Variants in CLOCK observed in about 807,000 individuals in gnomAD.
CLOCK encodes the protein clock circadian regulator.
CLOCK carries 43 observed loss-of-function variants against 118.4 expected under a neutral mutation model. That is an observed-to-expected ratio of 0.36 (90% confidence interval 0.28 to 0.47). The LOEUF (loss-of-function observed/expected upper bound fraction) is 0.47. Ranked by LOEUF, CLOCK falls within the 20% of genes least tolerant of loss-of-function variation. CLOCK has a pLI of 1.00. For synonymous variants in CLOCK, 326 were observed against 339.2 expected (o/e 0.96, Z 0.43); for missense variants, 846 against 999.9 (o/e 0.85, Z 2.08).
At chr4:55,513,978 G>A (rs972945307) in intron 1 of CLOCK, among the ~76,000 whole-genome samples, 1 of 151,996 alleles carries the variant, frequency 6.6e-6, no homozygotes, top group African/African-American at 2.4e-5. Flanking sequence ...CTTGTATCCT[G>A]CTACCTTGTG....
intron 7 of CLOCK, among the ~76,000 whole-genome samples, chr4:55,471,567 G>C (rs967417128): frequency 2.6e-5 from 4 of 152,214 alleles, no homozygotes; most frequent in African/African-American, 9.7e-5. Flanking sequence ...AGCAAGCATT[G>C]AGAAATGTGA....
intron 8 of CLOCK, 91 bp downstream of exon 8, chr4:55,470,626 T>C (rs1009951278): frequency 2.3e-6 from 2 of 886,240 alleles, no homozygotes; most frequent in African/African-American, 1.7e-5. Context: ...ACGACTGTTG[T>C]ACACTGCTCT....
At chr4:55,520,389 C>T (rs1729783335) in intron 1 of CLOCK, among the ~76,000 whole-genome samples, 1 of 152,096 alleles carries the variant, frequency 6.6e-6, no homozygotes, top group Non-Finnish European at 1.5e-5. Context: ...TCATCAACAC[C>T]TCATTTACTA....
intron 1 of CLOCK, among the ~76,000 whole-genome samples, chr4:55,523,543 C>T (rs1729974317): frequency 6.6e-6 from 1 of 151,954 alleles, no homozygotes; most frequent in African/African-American, 2.4e-5. Context: ...ATTTTTATTC[C>T]ATTTTTTGAG....
At chr4:55,491,375 GA>G (rs56412547) in intron 2 of CLOCK, among the ~76,000 whole-genome samples, 8,393 of 141,862 alleles carry the variant, frequency 0.059, 506 homozygotes, top group African/African-American at 0.16. Flanking sequence ...CAGTGAATAG[GA>G]AAAAAAAAAA....
intron 18 of CLOCK, among the ~76,000 whole-genome samples, 161 bp downstream of exon 18, chr4:55,448,617 TG>T (rs1560421426): frequency 7.3e-6 from 1 of 136,056 alleles, no homozygotes; most frequent in African/African-American, 2.8e-5. Context: ...TGTGTGTGTG[TG>T]TGTGTGTGTG....
intron 8 of CLOCK, among the ~76,000 whole-genome samples, chr4:55,468,551 C>T (rs988574480): frequency 2.6e-5 from 4 of 151,958 alleles, no homozygotes; most frequent in African/African-American, 9.7e-5. Context: ...GCCAATATGA[C>T]ATTATCAGTT....
intron 6 of CLOCK, among the ~76,000 whole-genome samples, chr4:55,478,225 T>G (rs1419764613): frequency 6.6e-6 from 1 of 152,130 alleles, no homozygotes; most frequent in Non-Finnish European, 1.5e-5. Flanking sequence ...TCAAGATGAT[T>G]TTCTTCTATT....
At chr4:55,450,064 A>G in intron 16 of CLOCK, 27 bp downstream of exon 16, 1 of 1,613,818 alleles carries the variant, frequency 6.2e-7, no homozygotes, top group Non-Finnish European at 8.5e-7. Context: ...CTTTAAAGGA[A>G]GTCTGCTTTG....
intron 1 of CLOCK, among the ~76,000 whole-genome samples, chr4:55,534,130 A>C (rs190861896): frequency 6.6e-6 from 1 of 152,302 alleles, no homozygotes. Context: ...GATTAACAGC[A>C]CTGAAGTAAT....
At chr4:55,508,569 A>G (rs540826512) in intron 2 of CLOCK, among the ~76,000 whole-genome samples, 71 of 150,688 alleles carry the variant, frequency 4.7e-4, no homozygotes, top group African/African-American at 1.7e-3. Flanking sequence ...AGCTAAACTT[A>G]TTCTGTAAAG....
At chr4:55,506,180 C>T (rs1192708730) in intron 2 of CLOCK, among the ~76,000 whole-genome samples, 2 of 152,130 alleles carry the variant, frequency 1.3e-5, no homozygotes, top group Non-Finnish European at 2.9e-5. Context: ...ACCCAGACTT[C>T]TTTAAGCTGA....
chr4:55,471,938 G>C (rs957579221), intron 7 of CLOCK, among the ~76,000 whole-genome samples: 4 of 152,104 alleles, frequency 2.6e-5, no homozygotes, highest in Non-Finnish European at 4.4e-5. Flanking sequence ...GCCAGGTGTG[G>C]TGGCACATGC....
At chr4:55,490,094 T>TA (rs71194575) in intron 2 of CLOCK, among the ~76,000 whole-genome samples, 51,541 of 147,360 alleles carry the variant, frequency 0.35, 9,221 homozygotes, top group East Asian at 0.58. Context: ...TGAATGGATT[T>TA]AAAAAAAAAA....
rs28827179 is a variant in CLOCK at position 55,502,167 on chromosome 4, C to T, written c.-136+7745G>A. The stretch of plus-strand genomic sequence containing the variant: ...TCCAAATTGATTTATAAATTCTACA[C>T]TAAGCTAGACAAAATCCAATCAGGT... On this transcript the variant is annotated intron_variant, in intron 2 of 22. Transcript: ENST00000513440. Among the ~76,000 whole-genome samples the T allele has an allele frequency of 3.0e-3, 457 of 152,280 alleles. 3 individuals are homozygous for T. Among genetic ancestry groups the T allele is most frequent in the African/African-American group, 0.011 (444 of 41,554 alleles).
chr4:55,466,052 C>CA (rs1725716351), intron 8 of CLOCK, among the ~76,000 whole-genome samples: 1 of 152,068 alleles, frequency 6.6e-6, no homozygotes, highest in Admixed American at 6.6e-5. Context: ...GATATTGATG[C>CA]AAAAAATAAT....
chr4:55,435,746 T>C (rs1722829415), intron 22 of CLOCK, 152 bp from the exon 23 acceptor site: 1 of 813,778 alleles, frequency 1.2e-6, no homozygotes, highest in Non-Finnish European at 2.0e-6. Flanking sequence ...AAATTCTAAT[T>C]TGGAAAATGC....
chr4:55,438,714 A>T (rs1370886802), intron 21 of CLOCK, among the ~76,000 whole-genome samples, 177 bp from the exon 22 acceptor site: 1 of 152,222 alleles, frequency 6.6e-6, no homozygotes, highest in East Asian at 1.9e-4. Flanking sequence ...TGTAACAGTA[A>T]AACAAAAAAT....
intron 1 of CLOCK, among the ~76,000 whole-genome samples, chr4:55,541,780 G>A (rs544215699): frequency 1.1e-4 from 16 of 151,866 alleles, no homozygotes; most frequent in African/African-American, 2.2e-4. Flanking sequence ...TCTTTCCAGC[G>A]GGAAAGCTTA....
Sources: gnomAD v4.1 joint callset for allele counts (sites outside exome capture counted in the v4.1 genomes callset) on GRCh38, gnomAD v4.1.1 for gene constraint, MANE v1.5 for transcripts, NCBI Gene and HGNC (gene_info 2026-07-23, HGNC 2026-07-21) for gene names.